ZNF831: variants seen among roughly 807,000 people sequenced by gnomAD.
The protein encoded by ZNF831 is zinc finger protein 831.
Under a neutral mutation model 95.8 loss-of-function variants are expected in ZNF831, and 59 were observed. The observed-to-expected ratio is 0.62, with a 90% CI of 0.50 to 0.77. The LOEUF (loss-of-function observed/expected upper bound fraction) is 0.77. ZNF831 is among the 30% of genes least tolerant of loss of function. ZNF831 has a pLI of 0.00. For synonymous variants in ZNF831, 961 were observed against 925.5 expected, an observed-to-expected ratio of 1.04 and a Z score of -0.70; for missense variants, 2,205 against 2,164.0, an observed-to-expected ratio of 1.02 and a Z score of -0.38.
rs150575356 is a variant in ZNF831, at chr20:59,191,958, C to T, written c.939C>T (p.Cys313=). The part of the protein sequence containing the change: ...EQKSPTAGKP[C]ALQRQQATAA... ...AGTCGCCGACCGCCGGGAAGCCGTGCGCCCTGCAGCGGCAGCAGGCGACGG... is the reference window on the plus strand; with the variant it reads ...AGTCGCCGACCGCCGGGAAGCCGTGTGCCCTGCAGCGGCAGCAGGCGACGG... The change falls in exon 2 of 6, where the codon TGC becomes TGT. Residue 313 remains cysteine, a synonymous_variant. Transcript: ENST00000371030. 8,402 of 1,606,856 alleles carry T rather than the reference C, an allele frequency of 5.2e-3. 28 individuals carry two copies. The highest frequency in any genetic ancestry group is 6.1e-3 in the Non-Finnish European group (7,239 of 1,177,364).
chr20:59,220,393 C>T (rs1986001280), intron 4 of ZNF831, among the ~76,000 whole-genome samples: 1 of 152,146 alleles, frequency 6.6e-6, no homozygotes, highest in Non-Finnish European at 1.5e-5. Context: ...AGGGGCCAGG[C>T]CCTTTTGGTT....
At chr20:59,167,878 G>GA (rs1004471694) in intron 1 of ZNF831, among the ~76,000 whole-genome samples, 12 of 149,162 alleles carry the variant, frequency 8.0e-5, no homozygotes, top group East Asian at 5.8e-4. Context: ...CATCTCAAAA[G>GA]AAAAAAAAAT....
chr20:59,232,139 C>T (rs752205524), intron 4 of ZNF831, among the ~76,000 whole-genome samples: 1 of 152,174 alleles, frequency 6.6e-6, no homozygotes, highest in Admixed American at 6.5e-5. Context: ...TGGGTTGGCT[C>T]TCACTTTCCG....
At chr20:59,131,413 C>T (rs1217053803) in intron 1 of ZNF831, among the ~76,000 whole-genome samples, 3 of 152,126 alleles carry the variant, frequency 2.0e-5, no homozygotes, top group Non-Finnish European at 4.4e-5. Flanking sequence ...CTCAGGGGGT[C>T]CTTGGGAGAG....
chr20:59,133,417 C>T (rs1489110954), intron 1 of ZNF831, among the ~76,000 whole-genome samples: 1 of 152,140 alleles, frequency 6.6e-6, no homozygotes, highest in Non-Finnish European at 1.5e-5. Context: ...GAAAACACAC[C>T]TCCCCCGTCA....
At position 59,254,612 on chromosome 20, in the gene ZNF831, C is replaced by A. The variant is rs374322927; in HGVS notation, c.4903C>A (p.Pro1635Thr). ...TGTGGTTCCTTCTAAGCCAGAGCAG[C>A]CCATAGAAATTCCTGAAGCCCCTTC... ...DSVVPSKPEQPIEIPEAPSKS... is the reference protein window; with the variant it reads ...DSVVPSKPEQTIEIPEAPSKS... The change falls in exon 6 of 6, where the codon CCC becomes ACC. Residue 1635 changes from proline to threonine, a missense_variant. Coordinates refer to ENST00000371030, the MANE Select transcript of ZNF831 (RefSeq NM_178457.3). The surrounding 1 kb of genome is among the most constrained non-coding windows in gnomAD (Gnocchi z 4.5). The A allele has an allele frequency of 5.3e-5, 86 of 1,613,856 alleles. No homozygotes were observed. The highest frequency in any genetic ancestry group is 7.1e-5 in the Non-Finnish European group (84 of 1,180,030).
intron 4 of ZNF831, among the ~76,000 whole-genome samples, chr20:59,237,738 T>C (rs926289099): frequency 5.9e-5 from 9 of 152,178 alleles, no homozygotes; most frequent in African/African-American, 1.2e-4. Flanking sequence ...TGAAGATGTC[T>C]TTATTGATGA....
At chr20:59,159,882 C>CA (rs1440938593), upstream of ZNF831, 1 of 152,348 alleles carries the variant, frequency 6.6e-6, no homozygotes, top group East Asian at 1.9e-4. Flanking sequence ...CCTTTGGCAT[C>CA]AGCTTCCACC....
chr20:59,162,518 A>G (rs1391293485), upstream of ZNF831, among the ~76,000 whole-genome samples: 1 of 152,182 alleles, frequency 6.6e-6, no homozygotes, highest in Non-Finnish European at 1.5e-5. Flanking sequence ...ATGGTTAGCT[A>G]GTTTCCCCAG....
chr20:59,185,126 C>G (rs766336878), intron 1 of ZNF831, among the ~76,000 whole-genome samples: 3 of 152,160 alleles, frequency 2.0e-5, no homozygotes, highest in Non-Finnish European at 2.9e-5. Flanking sequence ...CAGCCCCGGC[C>G]CCCAGCTTCC....
chr20:59,204,853 T>C (rs944018741), intron 3 of ZNF831, among the ~76,000 whole-genome samples: 7 of 152,180 alleles, frequency 4.6e-5, no homozygotes, highest in African/African-American at 1.7e-4. Context: ...GCCAGGATGC[T>C]GCTTCTCCAG....
chr20:59,206,502 T>C (rs1196022161), intron 3 of ZNF831, among the ~76,000 whole-genome samples: 1 of 152,224 alleles, frequency 6.6e-6, no homozygotes, highest in African/African-American at 2.4e-5. Flanking sequence ...GCACAATAGC[T>C]ACATGGGCCT....
chr20:59,137,144 A>G (rs1979533460), intron 1 of ZNF831, among the ~76,000 whole-genome samples: 1 of 152,196 alleles, frequency 6.6e-6, no homozygotes, highest in Non-Finnish European at 1.5e-5. Context: ...AAGAAAAATA[A>G]ACATTCATCT....
chr20:59,225,256 C>T (rs1216406364), intron 4 of ZNF831, among the ~76,000 whole-genome samples: 3 of 152,128 alleles, frequency 2.0e-5, no homozygotes, highest in African/African-American at 7.2e-5. Flanking sequence ...AGAAGTTGTT[C>T]TTTTTTATTT....
rs2146588815 is a variant in ZNF831 at position 59,193,752 on chromosome 20, A to T, written c.2733A>T (p.Pro911=). The T allele has an allele frequency of 6.2e-7, 1 of 1,609,064 alleles. No individual in the cohort carries two copies. The highest frequency in any genetic ancestry group is 8.5e-7 in the Non-Finnish European group (1 of 1,177,428). The change falls in exon 2 of 6, where the codon CCA becomes CCT. Residue 911 remains proline (P), a synonymous_variant. Coordinates refer to ENST00000371030, the MANE Select transcript of ZNF831 (RefSeq NM_178457.3). Reference sequence around the variant, plus strand: ...CTACCCCACTGCATCCTGCAGCCCCAGCCCCCGCAGAGCACCCCTCGCTGG... The same window carrying T: ...CTACCCCACTGCATCCTGCAGCCCCTGCCCCCGCAGAGCACCCCTCGCTGG... ...DKATPLHPAA[P]APAEHPSLAT...
At chr20:59,250,382 G>T (rs555154373) in intron 4 of ZNF831, among the ~76,000 whole-genome samples, 21 of 152,284 alleles carry the variant, frequency 1.4e-4, no homozygotes, top group Non-Finnish European at 2.4e-4. Flanking sequence ...ACCAGTACAC[G>T]TGGAGACCTG....
At position 59,194,145 on chromosome 20, in the gene ZNF831, C is replaced by T. The variant is rs2146594867; in HGVS notation, c.3126C>T (p.Ile1042=). The stretch of plus-strand genomic sequence containing the variant: ...GGCCAGCAGCCAGGGAGTTGCCCAT[C>T]TCAGCACCAGGGGCTCCCAGGGAGG... ...TSRPAARELP[I]SAPGAPREAT... Residue 1042 remains isoleucine (I), a synonymous_variant, in exon 2 of 6, where the codon ATC becomes ATT. Coordinates refer to ENST00000371030, the MANE Select transcript of ZNF831 (RefSeq NM_178457.3). The T allele has an allele frequency of 1.3e-6, 2 of 1,573,736 alleles. No homozygotes were observed. Among genetic ancestry groups the T allele is most frequent in the Non-Finnish European group, 1.7e-6 (2 of 1,158,656 alleles).
intron 1 of ZNF831, among the ~76,000 whole-genome samples, chr20:59,164,856 C>G (rs764574002): frequency 3.3e-5 from 5 of 152,112 alleles, no homozygotes; most frequent in African/African-American, 4.8e-5. Flanking sequence ...TCTCCTTTCC[C>G]GTAGCAAATC....
intron 1 of ZNF831, among the ~76,000 whole-genome samples, chr20:59,139,421 C>T (rs1256618828): frequency 1.3e-5 from 2 of 152,086 alleles, no homozygotes; most frequent in Non-Finnish European, 1.5e-5. Context: ...CTCCACCCAG[C>T]CCCCCTAAAG....
Sources: allele counts gnomAD v4.1 joint callset (sites outside exome capture counted in the v4.1 genomes callset), GRCh38; gene constraint gnomAD v4.1.1; non-coding constraint Gnocchi (gnomAD v3.1); transcripts MANE v1.5; gene names NCBI Gene and HGNC (gene_info 2026-07-23, HGNC 2026-07-21).